SELENOF: variants seen among roughly 807,000 people sequenced by gnomAD.
SELENOF encodes 15 kDa selenoprotein.
A neutral mutation model predicts 20.5 loss-of-function variants in SELENOF; 16 were observed. The observed-to-expected ratio is 0.78, with a 90% CI of 0.53 to 1.19. The LOEUF is 1.19. Ranked by LOEUF, SELENOF falls within the 50% of genes most tolerant of loss-of-function variation. The pLI, the probability that SELENOF is intolerant of heterozygous loss-of-function variation, is 0.00. For synonymous variants in SELENOF, 78 were observed against 74.5 expected (o/e 1.05, Z -0.24); for missense variants, 215 against 194.2 (o/e 1.11, Z -0.64).
intron 4 of SELENOF, 137 bp downstream of exon 4, chr1:86,867,916 G>C (rs958464256): frequency 2.5e-6 from 1 of 400,186 alleles, no homozygotes; most frequent in African/African-American, 2.1e-5. Context: ...TTATTTTTCA[G>C]TGAAATTAAA....
At chr1:86,906,426 C>CA (rs1299476272) in intron 1 of SELENOF, among the ~76,000 whole-genome samples, 1 of 152,216 alleles carries the variant, frequency 6.6e-6, no homozygotes, top group Non-Finnish European at 1.5e-5. Context: ...GTTAGTCCTC[C>CA]ACTGAGAAGT....
chr1:86,902,383 CTTGT>C (rs1236150716), intron 2 of SELENOF, among the ~76,000 whole-genome samples: 7 of 152,140 alleles, frequency 4.6e-5, no homozygotes, highest in Non-Finnish European at 1.0e-4. Flanking sequence ...AGCTTGCCTG[CTTGT>C]TTTTCTTTTA....
intron 1 of SELENOF, chr1:86,913,738 T>A (rs1660053283): frequency 2.8e-6 from 1 of 363,320 alleles, no homozygotes; most frequent in Non-Finnish European, 5.1e-6. Flanking sequence ...GCTTTATTAT[T>A]CCCCCCTCCC....
intron 3 of SELENOF, among the ~76,000 whole-genome samples, chr1:86,870,794 T>C (rs1196289967): frequency 2.0e-5 from 3 of 152,148 alleles, no homozygotes; most frequent in Non-Finnish European, 4.4e-5. Context: ...AATTTTTTTT[T>C]ATTTTTAGTA....
intron 2 of SELENOF, among the ~76,000 whole-genome samples, chr1:86,897,500 T>C (rs1311185306): frequency 6.6e-6 from 1 of 152,146 alleles, no homozygotes; most frequent in Non-Finnish European, 1.5e-5. Flanking sequence ...ATCTTCTAAA[T>C]CATCTAAAGT....
chr1:86,879,084 A>G (rs577735958), intron 3 of SELENOF, among the ~76,000 whole-genome samples: 1 of 152,312 alleles, frequency 6.6e-6, no homozygotes, highest in East Asian at 1.9e-4. Flanking sequence ...ATAACTAGGA[A>G]GGCCAATCAC....
Position 86,901,995 on chromosome 1 carries a change from T to C in SELENOF, c.252+1286A>G, listed in dbSNP as rs114500537. On this transcript the variant is annotated intron_variant, in intron 2 of 4. Transcript: ENST00000331835. ...GTGAAAAAGGATGTTGGTTGAGTAG[T>C]AGTACAGCCCATAGAACAGCTTAAA... Among the ~76,000 whole-genome samples the C allele has an allele frequency of 1.5e-3, 223 of 152,272 alleles. 1 individual carries two copies. The highest frequency in any genetic ancestry group is 5.1e-3 in the African/African-American group (212 of 41,556).
chr1:86,914,351 T>C (rs1460628873), upstream of SELENOF: 1 of 560,530 alleles, frequency 1.8e-6, no homozygotes, highest in African/African-American at 1.9e-5. Context: ...CGGTCTCCTT[T>C]CTTTTATTCA....
intron 4 of SELENOF, among the ~76,000 whole-genome samples, chr1:86,864,057 CAT>C (rs765415313): frequency 7.2e-5 from 11 of 152,202 alleles, no homozygotes; most frequent in Non-Finnish European, 1.3e-4. Context: ...GTAATGCCCA[CAT>C]GATACTCTCA....
In SELENOF at chr1:86,903,170, A is replaced by G. The variant is rs967422072; in HGVS notation, c.252+111T>C. ...CAAGAAATCAGTTGAGTTTTACTAA[A>G]AAATGTAAAAGCTTAGAGGCTTTTT... On this transcript the variant is annotated intron_variant, in intron 2 of 4. Transcript: ENST00000331835. The G allele has an allele frequency of 8.4e-6, 8 of 949,640 alleles. No homozygotes were observed. In the African/African-American group the frequency reaches 1.4e-4, roughly 16 times the overall value. The allele number at this position is 949,640 out of a possible 1,614,324, so 58.8% of individuals were successfully genotyped here.
At chr1:86,896,747 CAA>C (rs372851653) in intron 2 of SELENOF, among the ~76,000 whole-genome samples, 12 of 152,068 alleles carry the variant, frequency 7.9e-5, no homozygotes, top group African/African-American at 2.9e-4. Context: ...TAATTATAAC[CAA>C]AGAGTGTTAC....
chr1:86,911,286 A>G (rs1405364544), intron 1 of SELENOF, among the ~76,000 whole-genome samples: 2 of 152,240 alleles, frequency 1.3e-5, no homozygotes, highest in Non-Finnish European at 2.9e-5. Context: ...GTAGGGTAGG[A>G]GAAAGGGAGG....
intron 1 of SELENOF, among the ~76,000 whole-genome samples, chr1:86,910,521 T>C (rs368325390): frequency 1.3e-5 from 2 of 151,642 alleles, no homozygotes; most frequent in African/African-American, 2.4e-5. Context: ...CTGGCCAACA[T>C]GGTGAAACCC....
At chr1:86,897,833 T>C (rs1228411182) in intron 2 of SELENOF, among the ~76,000 whole-genome samples, 1 of 152,216 alleles carries the variant, frequency 6.6e-6, no homozygotes, top group Non-Finnish European at 1.5e-5. Flanking sequence ...TCTCCAATTT[T>C]TAGCTGCTCC....
rs762072945 is a variant in SELENOF at position 86,866,195 on chromosome 1, CAAAAAA to C, written c.366+1852_366+1857del. Among the ~76,000 whole-genome samples, 170 of 27,650 alleles carry C rather than the reference CAAAAAA, an allele frequency of 6.1e-3. 1 individual carries two copies. The highest frequency in any genetic ancestry group is 0.017 in the African/African-American group (146 of 8,774). The allele number at this position is 27,650 out of a possible 152,430, so 18.1% of individuals were successfully genotyped here. ...CTGGGTGACAGAGTAAGACCATGTC[CAAAAAA>C]AAAAAAAAAAAAAAAAAAGTGTGTG... On this transcript the variant is annotated intron_variant, in intron 4 of 4. Transcript: ENST00000331835.
At chr1:86,900,826 T>C (rs945305250) in intron 2 of SELENOF, among the ~76,000 whole-genome samples, 1 of 152,122 alleles carries the variant, frequency 6.6e-6, no homozygotes, top group Non-Finnish European at 1.5e-5. Context: ...GGGTGAGCCA[T>C]CACACCCGAG....
At chr1:86,884,429 G>T (rs564067512) in intron 2 of SELENOF, among the ~76,000 whole-genome samples, 1 of 151,818 alleles carries the variant, frequency 6.6e-6, no homozygotes, top group South Asian at 2.1e-4. Flanking sequence ...ATGATTTGTG[G>T]TGTTCACTGG....
rs533282041 is a variant in SELENOF, at chr1:86,878,721, A to G, written c.316+1941T>C. Among the ~76,000 whole-genome samples the G allele has an allele frequency of 1.4e-3, 220 of 152,262 alleles. 1 individual carries two copies. Among genetic ancestry groups the G allele is most frequent in the African/African-American group, 5.0e-3 (209 of 41,552 alleles). ...AAGAATATGAAGCAGTGAAGACATG[A>G]AAGTTAGTTTGGTATTTGTAATTAC... On this transcript the variant is annotated intron_variant, in intron 3 of 4. Transcript: ENST00000331835.
Position 86,905,990 on chromosome 1 carries a change from TA to T in SELENOF, c.85-2543del, listed in dbSNP as rs1213393588. Among the ~76,000 whole-genome samples, 4 of 152,378 alleles carry T rather than the reference TA, an allele frequency of 2.6e-5. No homozygotes were observed. The East Asian group carries it at 7.7e-4, about 29-fold the overall frequency. ...CAGCTGCAGTGTGTCAATCCTTTTC[TA>T]AACTCACCAGGTAGATTAATATCCA... On this transcript the variant is annotated intron_variant, in intron 1 of 4. Transcript: ENST00000331835.
Sources: allele counts gnomAD v4.1 joint callset (sites outside exome capture counted in the v4.1 genomes callset), GRCh38; gene constraint gnomAD v4.1.1; transcripts MANE v1.5; gene names NCBI Gene and HGNC (gene_info 2026-07-23, HGNC 2026-07-21).